Variants in CPED1 observed in about 807,000 individuals in gnomAD.
CPED1 encodes the protein cadherin-like and PC-esterase domain-containing protein 1.
Under a neutral mutation model 128.2 loss-of-function variants are expected in CPED1, and 114 were observed. That is an observed-to-expected ratio of 0.89 (90% CI 0.76 to 1.04). CPED1 has a LOEUF of 1.04. Among genes scored for constraint, CPED1 ranks in the 50% least tolerant of loss-of-function variants. CPED1 has a pLI of 0.00. For missense variants in CPED1, 1,211 were observed against 1,207.1 expected (o/e 1.00, Z -0.05); for synonymous variants, 462 against 426.7 (o/e 1.08, Z -1.02).
chr7:121,081,075 G>A (rs1174628026), intron 5 of CPED1, among the ~76,000 whole-genome samples: 1 of 152,116 alleles, frequency 6.6e-6, no homozygotes, highest in East Asian at 1.9e-4. Flanking sequence ...TCATGGAAAG[G>A]TGATGCTCGT....
intron 7 of CPED1, among the ~76,000 whole-genome samples, chr7:121,123,155 G>C (rs956503726): frequency 7.9e-5 from 12 of 152,032 alleles, no homozygotes; most frequent in Non-Finnish European, 1.6e-4. Context: ...TAGTAAAATG[G>C]AAGAACATCC....
Position 121,244,203 on chromosome 7 carries a change from C to G in CPED1, c.2175C>G (p.Gly725=), listed in dbSNP as rs1798467915. ...AGAAAGTTTTGCCATCTATTCCAGG[C>G]CAGTGGATTGTGCCTTGCCTTAGTT... ...LKRCPSGDMK[G]QWIVPCLSCS... The change falls in exon 18 of 23, where the codon GGC becomes GGG. Residue 725 remains glycine, a splice_region_variant and synonymous_variant. Transcript: ENST00000310396. The G allele has an allele frequency of 6.2e-7, 1 of 1,614,132 alleles. No individual in the cohort carries two copies. The highest frequency in any genetic ancestry group is 8.5e-7 in the Non-Finnish European group (1 of 1,179,994).
intron 16 of CPED1, among the ~76,000 whole-genome samples, chr7:121,222,275 G>A (rs77997403): frequency 0.095 from 14,428 of 152,080 alleles, 847 homozygotes; most frequent in South Asian, 0.17. Flanking sequence ...TAGATGTGTG[G>A]TGTTATTTCT....
intron 4 of CPED1, among the ~76,000 whole-genome samples, chr7:121,048,293 T>C (rs1266637224): frequency 6.6e-6 from 1 of 152,206 alleles, no homozygotes; most frequent in Non-Finnish European, 1.5e-5. Context: ...AACTGACTCA[T>C]TCTTTTCCTC....
At chr7:121,097,571 G>A in intron 5 of CPED1, 128 bp from the exon 6 acceptor site, 2 of 1,024,284 alleles carry the variant, frequency 2.0e-6, no homozygotes, top group Non-Finnish European at 2.9e-6. Flanking sequence ...TTTTGATTCA[G>A]AATGGGGAGA....
intron 16 of CPED1, among the ~76,000 whole-genome samples, chr7:121,189,760 T>TATA (rs1797086934): frequency 2.7e-4 from 13 of 47,474 alleles, no homozygotes; most frequent in African/African-American, 1.1e-3. Context: ...TTATGAGGTT[T>TATA]TATATATATA....
chr7:121,239,140 G>C (rs763609769), intron 17 of CPED1, among the ~76,000 whole-genome samples: 4 of 152,136 alleles, frequency 2.6e-5, no homozygotes, highest in Non-Finnish European at 5.9e-5. Flanking sequence ...TTGTTATAGT[G>C]GACAAAATTG....
intron 7 of CPED1, among the ~76,000 whole-genome samples, chr7:121,108,709 G>A (rs1274000536): frequency 6.6e-6 from 1 of 151,920 alleles, no homozygotes; most frequent in Non-Finnish European, 1.5e-5. Flanking sequence ...TATTTTTATG[G>A]AATATGGAAT....
At chr7:121,101,564 C>T (rs60739529) in intron 7 of CPED1, among the ~76,000 whole-genome samples, 1,994 of 152,152 alleles carry the variant, frequency 0.013, 39 homozygotes, top group African/African-American at 0.045. Flanking sequence ...TCTTTTGAAT[C>T]GTACAATCTG....
At chr7:120,997,585 A>C (rs1796428368) in intron 2 of CPED1, among the ~76,000 whole-genome samples, 1 of 152,244 alleles carries the variant, frequency 6.6e-6, no homozygotes, top group African/African-American at 2.4e-5. Context: ...ATGAGGTCAC[A>C]CTGGAGTAAG....
At chr7:121,215,107 C>T (rs903488970) in intron 16 of CPED1, among the ~76,000 whole-genome samples, 2 of 151,974 alleles carry the variant, frequency 1.3e-5, no homozygotes, top group Admixed American at 1.3e-4. Context: ...CCCTCTGTGT[C>T]TAATTTTCAA....
At chr7:121,283,608 C>A (rs895846210) in intron 22 of CPED1, among the ~76,000 whole-genome samples, 1 of 152,324 alleles carries the variant, frequency 6.6e-6, no homozygotes, top group African/African-American at 2.4e-5. Flanking sequence ...CTCATCTGCT[C>A]ATGTTGGAAC....
chr7:121,097,455 C>A (rs1794727225), intron 5 of CPED1, among the ~76,000 whole-genome samples: 1 of 152,088 alleles, frequency 6.6e-6, no homozygotes, highest in African/African-American at 2.4e-5. Context: ...CCCTTCTGAG[C>A]AAGAAAATGA....
rs577734371 is a variant in CPED1, at chr7:120,992,742, T to G, written c.249+2872T>G. Among the ~76,000 whole-genome samples, 243 of 152,330 alleles carry G rather than the reference T, an allele frequency of 1.6e-3. 3 individuals are homozygous for G. The highest frequency in any genetic ancestry group is 5.7e-3 in the African/African-American group (236 of 41,578). ...GTAAAAACTTCTTGGATCAGAGTTTTTATTCATTGAATAAGTAATACATAT... is the reference window on the plus strand; with the variant it reads ...GTAAAAACTTCTTGGATCAGAGTTTGTATTCATTGAATAAGTAATACATAT... On this transcript the variant is annotated intron_variant, in intron 2 of 22. Coordinates refer to ENST00000310396, the MANE Select transcript of CPED1 (RefSeq NM_024913.5).
chr7:121,034,247 CTTTTTT>C (rs3067998), intron 3 of CPED1, among the ~76,000 whole-genome samples: 2 of 113,954 alleles, frequency 1.8e-5, no homozygotes, highest in East Asian at 2.6e-4. Flanking sequence ...GTTTTTTTTT[CTTTTTT>C]TTTTTTTTTT....
At chr7:121,017,361 T>C (rs1227383702) in intron 3 of CPED1, among the ~76,000 whole-genome samples, 1 of 152,192 alleles carries the variant, frequency 6.6e-6, no homozygotes, top group African/African-American at 2.4e-5. Context: ...GTTGGCTCTA[T>C]TATGTAAGAC....
chr7:121,167,308 C>A (rs6951173), intron 16 of CPED1, among the ~76,000 whole-genome samples: 15,873 of 152,166 alleles, frequency 0.1, 1,394 homozygotes, highest in African/African-American at 0.24. Context: ...ATGATGGCAA[C>A]AGAGCATAGG....
chr7:121,079,663 A>C (rs1258271850), intron 5 of CPED1, among the ~76,000 whole-genome samples: 2 of 152,262 alleles, frequency 1.3e-5, no homozygotes, highest in Non-Finnish European at 2.9e-5. Context: ...AACATTTGGC[A>C]GTTTGCTGAC....
At chr7:121,102,826 G>A (rs1222730726) in intron 7 of CPED1, among the ~76,000 whole-genome samples, 4 of 152,006 alleles carry the variant, frequency 2.6e-5, no homozygotes. Context: ...ACTTATCCCT[G>A]ACCGTGGCTA....
Sources: allele counts gnomAD v4.1 joint callset (sites outside exome capture counted in the v4.1 genomes callset), GRCh38; gene constraint gnomAD v4.1.1; transcripts MANE v1.5; gene names NCBI Gene and HGNC (gene_info 2026-07-23, HGNC 2026-07-21).